Variants in APOO observed in about 807,000 individuals in gnomAD.
APOO encodes the protein apolipoprotein O, also known as MICOS complex subunit MIC26.
APOO carries 11 observed loss-of-function variants against 23.1 expected under a neutral mutation model. That is an observed-to-expected ratio of 0.48 (90% CI 0.30 to 0.79). The LOEUF (loss-of-function observed/expected upper bound fraction) is 0.79, where lower values mean the gene tolerates loss of function less well. Among genes scored for constraint, APOO ranks in the 30% least tolerant of loss-of-function variants. APOO has a pLI of 0.07. For synonymous variants in APOO, 59 were observed against 54.8 expected, an observed-to-expected ratio of 1.08 and a Z score of -0.34; for missense variants, 160 against 142.7, an observed-to-expected ratio of 1.12 and a Z score of -0.62.
intron 7 of APOO, among the ~76,000 whole-genome samples, chrX:23,843,669 T>G (rs1249796803): frequency 9.7e-6 from 1 of 102,676 alleles, no homozygotes; most frequent in Admixed American, 1.1e-4. Context: ...ACGTAACCTC[T>G]GCCTCCTGGG....
Position 23,868,329 on chromosome X carries a change from T to G in APOO, c.388+264A>C, listed in dbSNP as rs180701117. 3.6e-4 allele frequency among the ~76,000 whole-genome samples: 40 copies of G among 112,247 alleles called. 1 individual carries two copies. The highest frequency in any genetic ancestry group is 7.3e-4 in the Non-Finnish European group (39 of 53,251). On this transcript the variant is annotated intron_variant, in intron 5 of 8. Transcript: ENST00000379226. Reference sequence around the variant, plus strand: ...TCTCAGGTGTGAAAGACTTTAAAATTTTGCTCTTTCTGTACCAAAGAACAA... The same window carrying G: ...TCTCAGGTGTGAAAGACTTTAAAATGTTGCTCTTTCTGTACCAAAGAACAA...
At chrX:23,881,321 C>T (rs1315980088) in intron 1 of APOO, among the ~76,000 whole-genome samples, 3 of 108,953 alleles carry the variant, frequency 2.8e-5, no homozygotes, top group East Asian at 2.9e-4. Flanking sequence ...GTAATTCGCC[C>T]GCCTCGGCCT....
chrX:23,900,082 T>C (rs913500045), intron 1 of APOO, among the ~76,000 whole-genome samples: 1 of 112,311 alleles, frequency 8.9e-6, no homozygotes, highest in African/African-American at 3.2e-5. Flanking sequence ...CAGAAGTAGA[T>C]AGAAGAATGC....
intron 8 of APOO, among the ~76,000 whole-genome samples, chrX:23,838,992 A>C (rs1482461733): frequency 9.0e-6 from 1 of 111,720 alleles, no homozygotes; most frequent in Non-Finnish European, 1.9e-5. Flanking sequence ...AAAGAGAGAA[A>C]TATAACCATA....
intron 2 of APOO, among the ~76,000 whole-genome samples, chrX:23,880,073 A>T (rs867439592): frequency 6.3e-4 from 67 of 106,437 alleles, no homozygotes; most frequent in African/African-American, 1.5e-3. Context: ...TTTTTTTTTT[A>T]AATTTAGTAT....
intron 1 of APOO, among the ~76,000 whole-genome samples, chrX:23,897,316 T>C (rs1241743914): frequency 8.9e-6 from 1 of 112,410 alleles, no homozygotes; most frequent in African/African-American, 3.2e-5. Context: ...ACTTGTGCGA[T>C]AAACAGGAAG....
chrX:23,872,040 G>A (rs1026297230), intron 4 of APOO, among the ~76,000 whole-genome samples: 52 of 111,499 alleles, frequency 4.7e-4, no homozygotes, highest in African/African-American at 1.3e-3. Flanking sequence ...GGTCATTTGA[G>A]GCAATTTTTT....
chrX:23,890,007 G>A (rs1316745205), intron 1 of APOO, among the ~76,000 whole-genome samples: 1 of 111,202 alleles, frequency 9.0e-6, no homozygotes. Flanking sequence ...GCTTCCCCCA[G>A]AGTGTCTGAC....
intron 8 of APOO, among the ~76,000 whole-genome samples, chrX:23,839,107 G>C (rs754786961): frequency 8.9e-6 from 1 of 112,137 alleles, no homozygotes; most frequent in South Asian, 3.7e-4. Flanking sequence ...ATTCACCAGA[G>C]ATACTGATTC....
intron 3 of APOO, among the ~76,000 whole-genome samples, chrX:23,876,194 C>T (rs1397629003): frequency 1.8e-5 from 2 of 110,203 alleles, no homozygotes; most frequent in Non-Finnish European, 3.8e-5. Flanking sequence ...AACCCAGAGG[C>T]GGTGCTTGCG....
In APOO at chrX:23,907,835, T is replaced by G; in HGVS notation, c.-133A>C. 76 of 648,825 alleles carry G rather than the reference T, an allele frequency of 1.2e-4. No homozygotes were observed. Among genetic ancestry groups the G allele is most frequent in the South Asian group, 2.0e-4 (5 of 25,317 alleles). The allele number at this position is 648,825 out of a possible 1,213,427, so 53.5% of individuals were successfully genotyped here. ...CAGGCAGCGGTGCGGGTGACGGCCG[T>G]ACTGCAAACTCGGTGCGGCGAAGGT... is the stretch of plus-strand genomic sequence containing the variant. On this transcript the variant is annotated 5_prime_UTR_variant, in exon 1 of 9. Transcript: ENST00000379226.
intron 3 of APOO, among the ~76,000 whole-genome samples, chrX:23,878,461 T>C (rs1334013876): frequency 2.7e-5 from 3 of 111,730 alleles, no homozygotes; most frequent in Non-Finnish European, 3.8e-5. Context: ...ACTTTTAACT[T>C]GGGGCCTTGT....
intron 8 of APOO, among the ~76,000 whole-genome samples, chrX:23,838,752 T>G (rs1923837170): frequency 9.0e-6 from 1 of 111,513 alleles, no homozygotes; most frequent in South Asian, 3.8e-4. Context: ...CTAAAAACAT[T>G]TTTTACAACC....
intron 8 of APOO, among the ~76,000 whole-genome samples, chrX:23,839,678 C>A (rs1040873662): frequency 8.9e-6 from 1 of 111,830 alleles, no homozygotes; most frequent in Non-Finnish European, 1.9e-5. Flanking sequence ...TCTGTCGTAT[C>A]TCCTGGCTTC....
chrX:23,848,872 T>G, intron 7 of APOO, among the ~76,000 whole-genome samples: 1 of 98,866 alleles, frequency 1.0e-5, no homozygotes, highest in Non-Finnish European at 2.1e-5. Context: ...TTTTTTTTTT[T>G]TTGAGATGGA....
chrX:23,836,624 TC>T lies in APOO; in HGVS notation c.*30-3013del, dbSNP rs1923687231. The T allele has an allele frequency of 9.6e-6, 7 of 727,026 alleles. No individual in the cohort carries two copies. In the Admixed American group the frequency reaches 3.0e-4, roughly 31 times the overall value. The allele number at this position is 727,026 out of a possible 1,213,427, so 59.9% of individuals were successfully genotyped here. A position where few individuals can be genotyped will look rare whatever the true frequency, so the allele number is the denominator to read the frequency against. On this transcript the variant is annotated intron_variant, in intron 8 of 8. Transcript: ENST00000379226. The stretch of plus-strand genomic sequence containing the variant: ...CACCACGCCCAGCCCCAGCCTAATT[TC>T]TTTTTTTTTTTTTTTTCCCCAAATC...
chrX:23,860,667 C>G (rs1176194807), intron 5 of APOO, among the ~76,000 whole-genome samples: 4 of 108,733 alleles, frequency 3.7e-5, no homozygotes, highest in African/African-American at 6.7e-5. Flanking sequence ...TGCAAGCCAT[C>G]ATGCCTGGCT....
chrX:23,878,176 G>C (rs1311915788), intron 3 of APOO, among the ~76,000 whole-genome samples: 1 of 111,890 alleles, frequency 8.9e-6, no homozygotes, highest in Non-Finnish European at 1.9e-5. Flanking sequence ...AGTGGGGGGA[G>C]AAAAACTTCG....
rs191584657 is a variant in APOO, at chrX:23,864,396, G to A, written c.388+4197C>T. Among the ~76,000 whole-genome samples, 13 of 111,064 alleles carry A rather than the reference G, an allele frequency of 1.2e-4. No homozygotes were observed. In the South Asian group the frequency reaches 2.3e-3, roughly 19 times the overall value. On this transcript the variant is annotated intron_variant, in intron 5 of 8. Transcript: ENST00000379226. ...CGGCTTGCTGCAACCTCTGCCTCCC[G>A]GGTTCAAGTGATTCTCCTGCTTTCG...
Sources: allele counts gnomAD v4.1 joint callset (sites outside exome capture counted in the v4.1 genomes callset), GRCh38; gene constraint gnomAD v4.1.1; transcripts MANE v1.5; gene names NCBI Gene and HGNC (gene_info 2026-07-23, HGNC 2026-07-21).